Variants in PTPRG observed in about 807,000 individuals in gnomAD.
PTPRG encodes the protein receptor-type tyrosine-protein phosphatase gamma.
PTPRG carries 102 observed loss-of-function variants against 165.3 expected under a neutral mutation model. That is an observed-to-expected ratio of 0.62 (90% confidence interval 0.53 to 0.73). The LOEUF (loss-of-function observed/expected upper bound fraction) is 0.73. Among genes scored for constraint, PTPRG ranks in the 30% least tolerant of loss-of-function variants. The probability of loss-of-function intolerance (pLI) is 0.00; values close to 1 mark genes in which losing one functional copy is unlikely to be tolerated. For synonymous variants in PTPRG, 675 were observed against 669.5 expected (o/e 1.01, Z -0.13); for missense variants, 1,866 against 1,861.4 (o/e 1.00, Z -0.05).
rs762275681 is a variant in PTPRG at position 62,191,696 on chromosome 3, G to C, written c.1218+43G>C. ...TGATTCAGGGTACATGCTGCAGAGA[G>C]GGACTCCTGCTGCAGCTCTCTGCCA... is the stretch of plus-strand genomic sequence containing the variant. On this transcript the variant is annotated intron_variant, in intron 9 of 29. Coordinates refer to ENST00000474889, the MANE Select transcript of PTPRG (RefSeq NM_002841.4). The C allele has an allele frequency of 2.5e-5, 39 of 1,566,168 alleles. 1 individual carries two copies. The South Asian group carries it at 4.4e-4, about 18-fold the overall frequency.
At chr3:61,891,743 A>G (rs1354849595) in intron 2 of PTPRG, among the ~76,000 whole-genome samples, 1 of 152,340 alleles carries the variant, frequency 6.6e-6, no homozygotes, top group East Asian at 1.9e-4. Flanking sequence ...CATTATACAC[A>G]AAGTACTTCC....
intron 10 of PTPRG, 118 bp from the exon 11 acceptor site, chr3:62,201,387 A>G (rs1008430075): frequency 1.2e-6 from 1 of 803,190 alleles, no homozygotes; most frequent in Non-Finnish European, 1.9e-6. Context: ...AAAAATCTAC[A>G]GAATAATATT....
intron 2 of PTPRG, among the ~76,000 whole-genome samples, chr3:61,794,489 G>T (rs1245483287): frequency 6.6e-6 from 1 of 152,112 alleles, no homozygotes; most frequent in Admixed American, 6.6e-5. Context: ...CATGCCTTCC[G>T]AAGTCTTTCA....
intron 2 of PTPRG, among the ~76,000 whole-genome samples, chr3:61,978,181 C>T (rs989001690): frequency 3.3e-5 from 5 of 152,176 alleles, no homozygotes; most frequent in Non-Finnish European, 7.3e-5. Context: ...TTTCTAGCAT[C>T]TCTTTGCGTA....
At chr3:62,191,683 C>T (rs775766116) in intron 9 of PTPRG, 30 bp downstream of exon 9, 3 of 1,600,914 alleles carry the variant, frequency 1.9e-6, no homozygotes, top group Non-Finnish European at 1.7e-6. Flanking sequence ...ATTCAGGGTA[C>T]ATGCTGCAGA....
chr3:62,052,724 G>A (rs551303669), intron 4 of PTPRG, among the ~76,000 whole-genome samples: 2 of 152,054 alleles, frequency 1.3e-5, no homozygotes, highest in South Asian at 4.1e-4. Flanking sequence ...GAAATGGCCT[G>A]TCTTTGGAAC....
intron 2 of PTPRG, among the ~76,000 whole-genome samples, chr3:61,974,163 G>A (rs957119162): frequency 7.2e-5 from 11 of 151,946 alleles, no homozygotes; most frequent in African/African-American, 2.4e-4. Context: ...TTAATCTTTT[G>A]ATACCTTAAA....
rs2038674554 is a variant in PTPRG, at chr3:61,907,038, CA to C, written c.191-82585del. ...TTTGAGTTGGACAACTTAAAACACACAATGTTTGAAATTATAAAGCATTTTT... is the reference window on the plus strand; with the variant it reads ...TTTGAGTTGGACAACTTAAAACACACATGTTTGAAATTATAAAGCATTTTT... On this transcript the variant is annotated intron_variant, in intron 2 of 29. Coordinates refer to ENST00000474889, the MANE Select transcript of PTPRG (RefSeq NM_002841.4). 2.0e-5 allele frequency among the ~76,000 whole-genome samples: 3 copies of C among 152,114 alleles called. No homozygotes were observed. The South Asian group carries it at 6.2e-4, about 32-fold the overall frequency.
intron 8 of PTPRG, among the ~76,000 whole-genome samples, chr3:62,181,564 A>G (rs906560939): frequency 3.3e-5 from 5 of 152,190 alleles, no homozygotes; most frequent in African/African-American, 9.7e-5. Context: ...AAACCTTTAT[A>G]CAGAACTACT....
At chr3:62,046,994 A>G (rs1390246471) in intron 4 of PTPRG, among the ~76,000 whole-genome samples, 3 of 152,230 alleles carry the variant, frequency 2.0e-5, no homozygotes, top group African/African-American at 4.8e-5. Flanking sequence ...TATGGAAGAT[A>G]CAAGTGGGGC....
At chr3:61,600,749 G>A (rs1342527270) in intron 1 of PTPRG, among the ~76,000 whole-genome samples, 4 of 151,906 alleles carry the variant, frequency 2.6e-5, no homozygotes, top group Non-Finnish European at 4.4e-5. Context: ...CAGTGTTGCC[G>A]AGGCTGGTCT....
chr3:62,003,520 A>T (rs748575600), intron 4 of PTPRG, 23 bp downstream of exon 4: 8 of 1,612,598 alleles, frequency 5.0e-6, no homozygotes, highest in Non-Finnish European at 4.2e-6. Flanking sequence ...CAAGATCTCA[A>T]CGTGTAGCTG....
At chr3:62,131,715 TATA>T (rs1186605501) in intron 5 of PTPRG, among the ~76,000 whole-genome samples, 3 of 152,158 alleles carry the variant, frequency 2.0e-5, no homozygotes, top group Non-Finnish European at 4.4e-5. Flanking sequence ...AAGAAAATTG[TATA>T]ATGACCCATC....
intron 2 of PTPRG, among the ~76,000 whole-genome samples, chr3:61,914,158 A>G (rs2038873668): frequency 6.6e-6 from 1 of 152,192 alleles, no homozygotes; most frequent in Non-Finnish European, 1.5e-5. Context: ...TGATTAGGTC[A>G]ACATTAAAGA....
chr3:61,618,679 G>A (rs1395921863), intron 1 of PTPRG, among the ~76,000 whole-genome samples: 1 of 152,140 alleles, frequency 6.6e-6, no homozygotes, highest in Non-Finnish European at 1.5e-5. Flanking sequence ...TAGCTCTGAA[G>A]AAATTTTTCT....
At chr3:62,122,905 A>G (rs1304185201) in intron 5 of PTPRG, among the ~76,000 whole-genome samples, 6 of 152,158 alleles carry the variant, frequency 3.9e-5, no homozygotes, top group Non-Finnish European at 7.3e-5. Context: ...TCATTACAGA[A>G]GCCAGGGCCC....
chr3:62,018,334 G>A (rs1158606053), intron 4 of PTPRG, among the ~76,000 whole-genome samples: 2 of 152,270 alleles, frequency 1.3e-5, no homozygotes, highest in Non-Finnish European at 2.9e-5. Flanking sequence ...GCTTTTCCAC[G>A]TTCAGATAAA....
At chr3:61,644,539 T>C (rs1210913679) in intron 1 of PTPRG, among the ~76,000 whole-genome samples, 2 of 152,228 alleles carry the variant, frequency 1.3e-5, no homozygotes, top group African/African-American at 4.8e-5. Context: ...TTGCAAGTCT[T>C]AGCTCCATCA....
chr3:61,759,016 C>T (rs1371490178), intron 2 of PTPRG, among the ~76,000 whole-genome samples: 1 of 152,098 alleles, frequency 6.6e-6, no homozygotes, highest in Non-Finnish European at 1.5e-5. Flanking sequence ...GTGCTCAGTC[C>T]ACCTGGCATG....
Sources: allele counts gnomAD v4.1 joint callset (sites outside exome capture counted in the v4.1 genomes callset), GRCh38; gene constraint gnomAD v4.1.1; transcripts MANE v1.5; gene names NCBI Gene and HGNC (gene_info 2026-07-23, HGNC 2026-07-21).